ZNF398: variants seen among roughly 807,000 people sequenced by gnomAD.
The protein encoded by ZNF398 is zinc finger protein 398, also known as zinc finger DNA binding protein ZER6.
In ZNF398, 18 loss-of-function variants were observed where a neutral mutation model predicts 41.9. The ratio of observed to expected loss-of-function variants is 0.43; its 90% CI spans 0.30 to 0.64. ZNF398 has a LOEUF of 0.64. Among genes scored for constraint, ZNF398 ranks in the 30% least tolerant of loss-of-function variants. ZNF398 has a pLI of 0.14. For missense variants in ZNF398, 669 were observed against 822.8 expected (o/e 0.81, Z 2.29); for synonymous variants, 260 against 308.8 (o/e 0.84, Z 1.66).
rs763777932 is a variant in ZNF398 at position 149,166,800 on chromosome 7, C to G, written c.548-17C>G. On this transcript the variant is annotated splice_polypyrimidine_tract_variant and intron_variant, in intron 3 of 5. Coordinates refer to ENST00000475153, the MANE Select transcript of ZNF398 (RefSeq NM_170686.3). ...TTATCTCTTTGTAATACTCTCTCTT[C>G]CTTTTTCCTCTCCTAGATTATGCTA... 1 of 1,561,080 alleles carries G rather than the reference C, an allele frequency of 6.4e-7. No homozygotes were observed. The highest frequency in any genetic ancestry group is 1.7e-5 in the Admixed American group (1 of 58,330).
intron 2 of ZNF398, among the ~76,000 whole-genome samples, chr7:149,134,272 C>T (rs575622796): frequency 6.6e-6 from 1 of 151,726 alleles, no homozygotes; most frequent in African/African-American, 2.4e-5. Context: ...TTAGTAGAGA[C>T]GGGGTTTCAC....
At chr7:149,178,392 G>A (rs1259778759) in intron 5 of ZNF398, among the ~76,000 whole-genome samples, 1 of 152,226 alleles carries the variant, frequency 6.6e-6, no homozygotes, top group Non-Finnish European at 1.5e-5. Flanking sequence ...AGTGGAGGCT[G>A]CAGTGAGCTG....
chr7:149,165,100 A>G (rs1354512513), intron 2 of ZNF398, among the ~76,000 whole-genome samples: 2 of 150,734 alleles, frequency 1.3e-5, no homozygotes, highest in Non-Finnish European at 3.0e-5. Context: ...CTCTAAAAAA[A>G]AAAAAGAAAA....
chr7:149,166,594 C>T (rs1795230109), intron 3 of ZNF398, among the ~76,000 whole-genome samples: 1 of 152,132 alleles, frequency 6.6e-6, no homozygotes, highest in African/African-American at 2.4e-5. Flanking sequence ...GAAAGCAGTG[C>T]TAACCTAGCA....
intron 2 of ZNF398, among the ~76,000 whole-genome samples, chr7:149,138,055 G>C (rs530848337): frequency 1.3e-5 from 2 of 151,864 alleles, no homozygotes; most frequent in African/African-American, 2.4e-5. Flanking sequence ...CAAAAAATTA[G>C]TTGCGCATGG....
intron 2 of ZNF398, among the ~76,000 whole-genome samples, chr7:149,161,531 C>A (rs1267512959): frequency 6.6e-6 from 1 of 152,184 alleles, no homozygotes; most frequent in Non-Finnish European, 1.5e-5. Flanking sequence ...CATCACTGCA[C>A]CCCAGTTTGG....
chr7:149,128,208 C>T (rs1328288223), intron 1 of ZNF398, among the ~76,000 whole-genome samples: 5 of 152,128 alleles, frequency 3.3e-5, no homozygotes, highest in African/African-American at 1.2e-4. Context: ...AGACTTAAGA[C>T]ATCAGTCAAT....
chr7:149,148,115 A>C (rs1463623857), intron 1 of ZNF398: 7 of 276,816 alleles, frequency 2.5e-5, no homozygotes, highest in Non-Finnish European at 4.1e-5. Flanking sequence ...GGGAGCCGTC[A>C]GCCATTCTCG....
chr7:149,171,041 G>A (rs1795329402), intron 4 of ZNF398, among the ~76,000 whole-genome samples: 1 of 148,816 alleles, frequency 6.7e-6, no homozygotes, highest in South Asian at 2.1e-4. Flanking sequence ...GAAGAGATGG[G>A]GTTTCACCAT....
At chr7:149,175,333 C>A (rs903496976) in intron 4 of ZNF398, among the ~76,000 whole-genome samples, 2 of 151,654 alleles carry the variant, frequency 1.3e-5, no homozygotes, top group East Asian at 3.9e-4. Flanking sequence ...GCCAACTTGT[C>A]CATTTAGTCC....
chr7:149,145,155 G>A (rs1379777380), upstream of ZNF398, among the ~76,000 whole-genome samples: 1 of 152,152 alleles, frequency 6.6e-6, no homozygotes, highest in East Asian at 1.9e-4. Context: ...GTGATTTACA[G>A]ATAGTTATAC....
intron 2 of ZNF398, among the ~76,000 whole-genome samples, chr7:149,154,697 TTTTAAATCAGTCAA>T (rs1319215601): frequency 6.6e-5 from 10 of 152,122 alleles, no homozygotes; most frequent in Non-Finnish European, 1.5e-4. Context: ...ATAAATATTC[TTTTAAATCAGTCAA>T]TTTGAGGCTG....
chr7:149,174,392 G>A (rs1017769469), intron 4 of ZNF398, among the ~76,000 whole-genome samples: 2 of 152,102 alleles, frequency 1.3e-5, no homozygotes, highest in Non-Finnish European at 2.9e-5. Context: ...GTTTTACCAT[G>A]TTGGTCAGGG....
chr7:149,165,548 A>C (rs928901251), intron 2 of ZNF398, among the ~76,000 whole-genome samples: 4 of 152,206 alleles, frequency 2.6e-5, no homozygotes, highest in Admixed American at 2.6e-4. Flanking sequence ...CCATTTGAAG[A>C]ATGTACAAAG....
chr7:149,126,571 TGGAGAGAGCAGGAACAG>T, exon 1 of ZNF398: 1 of 405,440 alleles, frequency 2.5e-6, no homozygotes, highest in South Asian at 3.0e-5. Context: ...CAGGTGAACA[TGGAGAGAGCAGGAACAG>T]GGAGAGAGTA....
chr7:149,141,599 C>T (rs374076658), intron 2 of ZNF398, among the ~76,000 whole-genome samples: 4 of 151,914 alleles, frequency 2.6e-5, no homozygotes, highest in African/African-American at 9.7e-5. Context: ...GGACTACAGG[C>T]GCCCGCCACC....
intron 4 of ZNF398, among the ~76,000 whole-genome samples, chr7:149,171,758 C>G (rs572286560): frequency 6.6e-6 from 1 of 150,800 alleles, no homozygotes; most frequent in Admixed American, 6.6e-5. Context: ...CTGCAACCTC[C>G]GCCTCCCAGG....
At chr7:149,166,990 C>T (rs1044965447) in intron 4 of ZNF398, 60 bp downstream of exon 4, 60 of 1,228,474 alleles carry the variant, frequency 4.9e-5, no homozygotes, top group Non-Finnish European at 6.1e-5. Context: ...CATGGTGGCT[C>T]AGAGCTAAGC....
At chr7:149,163,614 G>C (rs1302705186) in intron 2 of ZNF398, among the ~76,000 whole-genome samples, 2 of 151,844 alleles carry the variant, frequency 1.3e-5, no homozygotes, top group Admixed American at 6.6e-5. Flanking sequence ...CCTCAGGTGA[G>C]CCACCGCGCC....
Sources: gnomAD v4.1 joint callset for allele counts (sites outside exome capture counted in the v4.1 genomes callset) on GRCh38, gnomAD v4.1.1 for gene constraint, MANE v1.5 for transcripts, NCBI Gene and HGNC (gene_info 2026-07-23, HGNC 2026-07-21) for gene names.